Variants in FBN2 observed in about 807,000 individuals in gnomAD.
FBN2 encodes the protein fibrillin 2.
FBN2 carries 105 observed loss-of-function variants against 355.6 expected under a neutral mutation model. The observed-to-expected ratio is 0.30, with a 90% CI of 0.25 to 0.35. FBN2 has a LOEUF of 0.35. Among genes scored for constraint, FBN2 ranks in the 10% least tolerant of loss-of-function variants. The pLI is 1.00. For synonymous variants in FBN2, 1,350 were observed against 1,301.2 expected (o/e 1.04, Z -0.81); for missense variants, 3,280 against 3,758.7 (o/e 0.87, Z 3.33).
At chr5:128,442,419 A>G (rs555461891) in intron 7 of FBN2, 1 of 455,264 alleles carries the variant, frequency 2.2e-6, no homozygotes, top group Non-Finnish European at 4.4e-6. Context: ...AAAAACGCTG[A>G]GCTGTCTTTT....
intron 5 of FBN2, among the ~76,000 whole-genome samples, chr5:128,517,192 G>C (rs562219082): frequency 6.6e-6 from 1 of 152,210 alleles, no homozygotes; most frequent in Admixed American, 6.5e-5. Context: ...GAATAATGAC[G>C]TAATTCCTGG....
intron 46 of FBN2, among the ~76,000 whole-genome samples, chr5:128,301,787 C>T (rs1028665020): frequency 1.1e-4 from 17 of 152,044 alleles, no homozygotes; most frequent in Non-Finnish European, 2.2e-4. Flanking sequence ...TCAAGGTTTA[C>T]GGTGAAGCTT....
chr5:128,441,813 T>C (rs1753929812), intron 7 of FBN2, among the ~76,000 whole-genome samples: 1 of 152,154 alleles, frequency 6.6e-6, no homozygotes, highest in Non-Finnish European at 1.5e-5. Flanking sequence ...TGTTATAAAT[T>C]AAGCTAAGAT....
intron 5 of FBN2, among the ~76,000 whole-genome samples, chr5:128,470,530 G>T (rs1754831219): frequency 6.6e-6 from 1 of 152,130 alleles, no homozygotes; most frequent in Non-Finnish European, 1.5e-5. Context: ...GTTCATCCAG[G>T]GTTTTGCTTT....
intron 5 of FBN2, among the ~76,000 whole-genome samples, chr5:128,466,897 A>G (rs1470527800): frequency 2.0e-5 from 3 of 152,208 alleles, no homozygotes; most frequent in Non-Finnish European, 2.9e-5. Context: ...CTTCAGATAT[A>G]AATATTTTGT....
rs1187992233 is a variant in FBN2 at position 128,537,388 on chromosome 5, G to A, written c.216C>T (p.Ser72=). The A allele has an allele frequency of 2.5e-6, 4 of 1,610,042 alleles. No individual in the cohort carries two copies. The highest frequency in any genetic ancestry group is 3.4e-6 in the Non-Finnish European group (4 of 1,179,588). ...EYREEGAAVA[S]RVRRRGQQDV... is the part of the protein sequence containing the mutation. ...CCTGCTGTCCTCGCCGGCGGACGCG[G>A]CTGGCCACTGCGGCACCCTCCTCGC... is the stretch of plus-strand genomic sequence containing the variant. Residue 72 remains serine (S), a synonymous_variant, in exon 1 of 65, where the codon AGC becomes AGT. Transcript: ENST00000262464.
chr5:128,528,370 C>A lies in FBN2; in HGVS notation c.437-403G>T, dbSNP rs1029373461. On this transcript the variant is annotated intron_variant, in intron 3 of 64. Coordinates refer to ENST00000262464, the MANE Select transcript of FBN2 (RefSeq NM_001999.4). Reference sequence around the variant, plus strand: ...GAGCTTGAATTCCGATGGGGAGCTACGGAAAACACAGGTAAACAAATACCA... The same window carrying A: ...GAGCTTGAATTCCGATGGGGAGCTAAGGAAAACACAGGTAAACAAATACCA... 7.8e-4 allele frequency among the ~76,000 whole-genome samples: 119 copies of A among 152,096 alleles called. 1 individual carries two copies. Among genetic ancestry groups the A allele is most frequent in the Middle Eastern group, 3.4e-3 (1 of 294 alleles).
At chr5:128,268,042 T>C (rs1765162114) in intron 62 of FBN2, among the ~76,000 whole-genome samples, 1 of 151,964 alleles carries the variant, frequency 6.6e-6, no homozygotes, top group African/African-American at 2.4e-5. Context: ...AGAGCAGAAT[T>C]GAAAGAGATA....
chr5:128,297,795 G>T (rs1312600092), intron 48 of FBN2, among the ~76,000 whole-genome samples: 7 of 152,078 alleles, frequency 4.6e-5, no homozygotes, highest in Non-Finnish European at 1.5e-5. Flanking sequence ...TATCCAATTT[G>T]CCAGTCTGTG....
intron 61 of FBN2, 140 bp downstream of exon 61, chr5:128,273,700 G>T: frequency 2.4e-6 from 2 of 821,888 alleles, no homozygotes; most frequent in South Asian, 1.6e-5. Context: ...AGAAATTTAT[G>T]ACCAGGAATA....
chr5:128,272,720 T>C (rs114791938), intron 61 of FBN2, among the ~76,000 whole-genome samples: 1,681 of 152,092 alleles, frequency 0.011, 24 homozygotes, highest in African/African-American at 0.039. Flanking sequence ...TCTTTATTTA[T>C]GTATGCTTTT....
chr5:128,392,305 T>G (rs1752537447), intron 10 of FBN2, 150 bp from the exon 11 acceptor site: 2 of 708,564 alleles, frequency 2.8e-6, no homozygotes, highest in African/African-American at 3.6e-5. Context: ...ATGTGGAGAA[T>G]CTAAAAAATA....
intron 5 of FBN2, among the ~76,000 whole-genome samples, chr5:128,497,136 G>A (rs746659075): frequency 6.6e-6 from 1 of 152,170 alleles, no homozygotes; most frequent in Non-Finnish European, 1.5e-5. Context: ...CCTTTCCTAA[G>A]TGTCTTCAAC....
intron 5 of FBN2, among the ~76,000 whole-genome samples, chr5:128,487,512 C>T (rs977075380): frequency 6.6e-6 from 1 of 152,072 alleles, no homozygotes; most frequent in African/African-American, 2.4e-5. Flanking sequence ...TTTCTTTGGG[C>T]ACTTATCACA....
chr5:128,481,289 T>C (rs1364161529), intron 5 of FBN2, among the ~76,000 whole-genome samples: 1 of 152,216 alleles, frequency 6.6e-6, no homozygotes, highest in African/African-American at 2.4e-5. Flanking sequence ...GATTCATGAC[T>C]GTTAGCCTTT....
intron 25 of FBN2, among the ~76,000 whole-genome samples, chr5:128,342,643 A>G (rs1160967765): frequency 2.0e-5 from 3 of 152,110 alleles, no homozygotes. Flanking sequence ...GCTGGGAAGG[A>G]GGGAAAAGAG....
At chr5:128,405,963 G>A (rs746165269) in intron 8 of FBN2, among the ~76,000 whole-genome samples, 27 of 152,124 alleles carry the variant, frequency 1.8e-4, no homozygotes, top group East Asian at 1.9e-4. Flanking sequence ...CGACTCCCAC[G>A]GCGACGTTTC....
At chr5:128,332,782 T>A (rs1007596356) in intron 32 of FBN2, 130 bp downstream of exon 32, 3 of 941,092 alleles carry the variant, frequency 3.2e-6, no homozygotes, top group Non-Finnish European at 5.2e-6. Context: ...AGGCAGGAAT[T>A]ATCTTGCAAC....
At chr5:128,349,260 C>A (rs1403598483) in intron 23 of FBN2, 87 bp downstream of exon 23, 1 of 1,507,184 alleles carries the variant, frequency 6.6e-7, no homozygotes, top group African/African-American at 1.4e-5. Context: ...CAAGTACAAA[C>A]TCTTGTGGTT....
Sources: allele counts gnomAD v4.1 joint callset (sites outside exome capture counted in the v4.1 genomes callset), GRCh38; gene constraint gnomAD v4.1.1; transcripts MANE v1.5; gene names NCBI Gene and HGNC (gene_info 2026-07-23, HGNC 2026-07-21).